Variants in PBRM1 observed in about 807,000 individuals in gnomAD.
The protein encoded by PBRM1 is polybromo 1.
In PBRM1, 27 loss-of-function variants were observed where a neutral mutation model predicts 194.5. The ratio of observed to expected loss-of-function variants is 0.14; its 90% CI spans 0.10 to 0.19. PBRM1 has a LOEUF of 0.19. PBRM1 is among the 10% of genes least tolerant of loss of function. The pLI, the probability that PBRM1 is intolerant of heterozygous loss-of-function variation, is 1.00. For synonymous variants in PBRM1, 655 were observed against 693.2 expected, an observed-to-expected ratio of 0.94 and a Z score of 0.87; for missense variants, 1,466 against 2,077.2, an observed-to-expected ratio of 0.71 and a Z score of 5.72.
At position 52,615,184 on chromosome 3, in the gene PBRM1, G is replaced by C. The variant is rs755617452; in HGVS notation, c.1924+167C>G. The stretch of plus-strand genomic sequence containing the variant: ...CTCCCCATATGCTTGTCACAGTTTA[G>C]CTACTTAAAATACAGTAAATGAGAG... On this transcript the variant is annotated intron_variant, in intron 15 of 29. Coordinates refer to ENST00000296302, the Ensembl canonical transcript of PBRM1. Among the ~76,000 whole-genome samples, 20 of 152,174 alleles carry C rather than the reference G, an allele frequency of 1.3e-4. No individual in the cohort carries two copies. The highest frequency in any genetic ancestry group is 2.4e-4 in the Non-Finnish European group (16 of 68,036).
intron 1 of PBRM1, among the ~76,000 whole-genome samples, chr3:52,679,046 C>T (rs1225610596): frequency 6.6e-6 from 1 of 152,148 alleles, no homozygotes; most frequent in Admixed American, 6.5e-5. Flanking sequence ...TTTCCTTCTC[C>T]TTCCTGACCA....
At chr3:52,640,710 C>T (rs1398837389) in intron 10 of PBRM1, among the ~76,000 whole-genome samples, 7 of 151,742 alleles carry the variant, frequency 4.6e-5, no homozygotes, top group East Asian at 3.9e-4. Flanking sequence ...GGTGTGATCT[C>T]GGTTTACTGC....
intron 17 of PBRM1, among the ~76,000 whole-genome samples, chr3:52,601,139 T>C (rs1272150229): frequency 2.6e-5 from 4 of 152,228 alleles, no homozygotes; most frequent in African/African-American, 9.7e-5. Context: ...GTATCTGTGG[T>C]GTTCGTTGGG....
In PBRM1 at chr3:52,575,672, A is replaced by ATT. The variant is rs35495289; in HGVS notation, c.3691+867_3691+868dup. ...AGACATGTGCCACCATGCCCAAATAATTTTTTTTTTTTTTTTTTTTTTAGC... is the reference window on the plus strand; with the variant it reads ...AGACATGTGCCACCATGCCCAAATAATTTTTTTTTTTTTTTTTTTTTTTTAGC... On this transcript the variant is annotated intron_variant, in intron 22 of 29. Coordinates refer to ENST00000296302, the Ensembl canonical transcript of PBRM1. Among the ~76,000 whole-genome samples, 520 of 122,486 alleles carry ATT rather than the reference A, an allele frequency of 4.2e-3. 10 individuals carry two copies. The highest frequency in any genetic ancestry group is 0.013 in the African/African-American group (412 of 31,178). The allele number at this position is 122,486 out of a possible 152,430, so 80.4% of individuals were successfully genotyped here.
intron 2 of PBRM1, among the ~76,000 whole-genome samples, chr3:52,676,219 A>C (rs987000156): frequency 6.6e-6 from 1 of 151,000 alleles, no homozygotes; most frequent in Admixed American, 6.6e-5. Context: ...CAAAGGCCTA[A>C]ATGTAAGAGC....
intron 22 of PBRM1, among the ~76,000 whole-genome samples, chr3:52,567,224 G>A (rs1215687758): frequency 6.6e-6 from 1 of 152,086 alleles, no homozygotes; most frequent in Non-Finnish European, 1.5e-5. Flanking sequence ...TTGTATGAAT[G>A]TACTAAGTTT....
At chr3:52,679,805 A>T (rs2097172228), upstream of PBRM1, 1 of 1,079,914 alleles carries the variant, frequency 9.3e-7, no homozygotes, top group Non-Finnish European at 1.3e-6. Flanking sequence ...CTGCTACCAA[A>T]CTCCTGGCTC....
chr3:52,594,610 G>C (rs7638914), intron 17 of PBRM1, among the ~76,000 whole-genome samples: 4,262 of 152,240 alleles, frequency 0.028, 216 homozygotes, highest in African/African-American at 0.097. Flanking sequence ...TGATATGTAT[G>C]GATCTGATCT....
chr3:52,576,817 G>T, intron 21 of PBRM1, 119 bp from the exon 24 acceptor site: 1 of 595,030 alleles, frequency 1.7e-6, no homozygotes, highest in Non-Finnish European at 2.8e-6. Flanking sequence ...AGTTTCACTG[G>T]CTGTTTTGGT....
At chr3:52,579,850 G>C (rs993254612) in intron 20 of PBRM1, among the ~76,000 whole-genome samples, 8 of 152,142 alleles carry the variant, frequency 5.3e-5, no homozygotes, top group Admixed American at 1.3e-4. Flanking sequence ...TTTAAAAGCA[G>C]ACTCATTCAT....
At chr3:52,555,910 A>AT (rs1464491394) in intron 26 of PBRM1, among the ~76,000 whole-genome samples, 1 of 152,182 alleles carries the variant, frequency 6.6e-6, no homozygotes, top group Non-Finnish European at 1.5e-5. Flanking sequence ...ACCACATGGC[A>AT]TTTTTTTAAA....
At chr3:52,634,495 C>T (rs1251962777) in intron 11 of PBRM1, 107 bp downstream of exon 12, 2 of 659,586 alleles carry the variant, frequency 3.0e-6, no homozygotes, top group Non-Finnish European at 5.0e-6. Context: ...AAAAAAAACA[C>T]CATTTTTACC....
chr3:52,546,254 A>T (rs1337512630), downstream of PBRM1: 1 of 232,980 alleles, frequency 4.3e-6, no homozygotes, highest in Admixed American at 5.6e-5. Flanking sequence ...TAATTCAAGG[A>T]TGTCTAGAAA....
chr3:52,681,887 G>C (rs1162273065), upstream of PBRM1: 1 of 175,496 alleles, frequency 5.7e-6, no homozygotes, highest in Non-Finnish European at 1.2e-5. Flanking sequence ...GTAAAAATGA[G>C]TACGAATAGA....
At chr3:52,591,593 C>T (rs1458270533) in intron 17 of PBRM1, among the ~76,000 whole-genome samples, 1 of 136,240 alleles carries the variant, frequency 7.3e-6, no homozygotes, top group African/African-American at 2.8e-5. Flanking sequence ...GATCTCGGCT[C>T]ACTGCAACCC....
At chr3:52,559,973 G>C (rs1224237057) in intron 25 of PBRM1, among the ~76,000 whole-genome samples, 1 of 151,450 alleles carries the variant, frequency 6.6e-6, no homozygotes, top group Non-Finnish European at 1.5e-5. Context: ...CCTGTGGATT[G>C]AATATTGGAC....
intron 13 of PBRM1, 99 bp downstream of exon 14, chr3:52,627,174 C>A: frequency 1.6e-6 from 1 of 637,628 alleles, no homozygotes; most frequent in South Asian, 2.2e-5. Flanking sequence ...TTATTTAAAG[C>A]TTACAACTTG....
In PBRM1 at chr3:52,555,375, T is replaced by C. The variant is rs141954254; in HGVS notation, c.4454-496A>G. Among the ~76,000 whole-genome samples the C allele has an allele frequency of 4.4e-3, 675 of 152,288 alleles. 7 individuals carry two copies. Among genetic ancestry groups the C allele is most frequent in the African/African-American group, 0.015 (622 of 41,548 alleles). On this transcript the variant is annotated intron_variant, in intron 26 of 29. Coordinates refer to ENST00000296302, the Ensembl canonical transcript of PBRM1. ...GATCACAAAGCATGGTTCTCCAGCT[T>C]TGGGGCAGGAATTGTTCAAGACTTC...
At chr3:52,582,768 C>G (rs2091566983) in intron 20 of PBRM1, among the ~76,000 whole-genome samples, 1 of 151,984 alleles carries the variant, frequency 6.6e-6, no homozygotes, top group Admixed American at 6.6e-5. Flanking sequence ...TTGAGTACTA[C>G]CATTGGAGCA....
Sources: gnomAD v4.1 joint callset for allele counts (sites outside exome capture counted in the v4.1 genomes callset) on GRCh38, gnomAD v4.1.1 for gene constraint, MANE v1.5 for transcripts, NCBI Gene and HGNC (gene_info 2026-07-23, HGNC 2026-07-21) for gene names.